WWOX: variants seen among roughly 807,000 people sequenced by gnomAD.
The protein encoded by WWOX is WW domain containing oxidoreductase, also known as WW domain-containing oxidoreductase.
A neutral mutation model predicts 46.2 loss-of-function variants in WWOX; 69 were observed. The ratio of observed to expected loss-of-function variants is 1.49; its 90% CI spans 1.23 to 1.82. WWOX has a LOEUF of 1.82. WWOX is among the 40% of genes most tolerant of loss of function. The pLI, the probability that WWOX is intolerant of heterozygous loss-of-function variation, is 0.00. For missense variants in WWOX, 919 were observed against 542.6 expected, an observed-to-expected ratio of 1.69 and a Z score of -6.89; for synonymous variants, 359 against 202.6, an observed-to-expected ratio of 1.77 and a Z score of -6.56.
intron 8 of WWOX, among the ~76,000 whole-genome samples, chr16:78,957,019 T>C (rs534939596): frequency 6.6e-6 from 1 of 152,172 alleles, no homozygotes; most frequent in Non-Finnish European, 1.5e-5. Context: ...CCGTGTGTTA[T>C]TCACATGCTT....
intron 8 of WWOX, among the ~76,000 whole-genome samples, chr16:78,556,169 T>C (rs1335193931): frequency 3.3e-5 from 5 of 151,968 alleles, no homozygotes; most frequent in Non-Finnish European, 7.4e-5. Context: ...TAGGCCCTCC[T>C]TATAATTTTC....
intron 8 of WWOX, among the ~76,000 whole-genome samples, chr16:78,791,629 G>C (rs2050602829): frequency 6.6e-6 from 1 of 152,076 alleles, no homozygotes; most frequent in African/African-American, 2.4e-5. Context: ...TGTAATCCCA[G>C]CACTTTGGGA....
intron 8 of WWOX, among the ~76,000 whole-genome samples, chr16:78,618,040 C>T (rs1363902318): frequency 6.6e-6 from 1 of 152,140 alleles, no homozygotes; most frequent in Non-Finnish European, 1.5e-5. Flanking sequence ...GTGTTCAGTG[C>T]TATTCATGTG....
intron 8 of WWOX, among the ~76,000 whole-genome samples, chr16:79,036,208 A>G (rs925283945): frequency 6.6e-6 from 1 of 152,186 alleles, no homozygotes. Flanking sequence ...CTCAAACAGT[A>G]TACCCACTAC....
In WWOX at chr16:78,336,343, A is replaced by C. The variant is rs1437641882; in HGVS notation, c.517-50517A>C. Among the ~76,000 whole-genome samples, 7 of 150,346 alleles carry C rather than the reference A, an allele frequency of 4.7e-5. No individual in the cohort carries two copies. The East Asian group carries it at 9.9e-4, about 21-fold the overall frequency. On this transcript the variant is annotated intron_variant, in intron 5 of 8. Transcript: ENST00000566780. Reference sequence around the variant, plus strand: ...CAAAAATAACACCAAAAAAAAAAAAAAAAACCACAACAAATTAGCCAGGTG... The same window carrying C: ...CAAAAATAACACCAAAAAAAAAAAACAAAACCACAACAAATTAGCCAGGTG...
At chr16:78,855,229 C>G (rs567195382) in intron 8 of WWOX, among the ~76,000 whole-genome samples, 1 of 152,058 alleles carries the variant, frequency 6.6e-6, no homozygotes, top group Non-Finnish European at 1.5e-5. Flanking sequence ...AAAGTCTTCA[C>G]GTACTTAATG....
intron 6 of WWOX, among the ~76,000 whole-genome samples, chr16:78,407,881 C>T (rs555167007): frequency 1.3e-5 from 2 of 152,268 alleles, no homozygotes; most frequent in East Asian, 3.9e-4. Context: ...TTACTGTCTA[C>T]TGTAGAGATA....
At chr16:78,811,549 C>G (rs768749141) in intron 8 of WWOX, among the ~76,000 whole-genome samples, 1 of 149,574 alleles carries the variant, frequency 6.7e-6, no homozygotes, top group East Asian at 2.0e-4. Flanking sequence ...TTTTGTATTT[C>G]TAGGAGAAAC....
At chr16:78,680,452 T>A (rs1168895921) in intron 8 of WWOX, among the ~76,000 whole-genome samples, 2 of 152,096 alleles carry the variant, frequency 1.3e-5, no homozygotes. Context: ...GAGGATCGCT[T>A]GAGCCCCGGG....
intron 8 of WWOX, among the ~76,000 whole-genome samples, chr16:78,511,390 G>A (rs1309320083): frequency 1.3e-5 from 2 of 152,250 alleles, no homozygotes; most frequent in South Asian, 4.2e-4. Context: ...CACCAGAAAC[G>A]TCCAGCTGAA....
rs34068363 is a variant in WWOX, at chr16:78,557,689, A to ATTTTTTTTTTTTTTTT, written c.1056+124945_1056+124960dup. 2.3e-3 allele frequency among the ~76,000 whole-genome samples: 219 copies of ATTTTTTTTTTTTTTTT among 96,606 alleles called. 29 individuals are homozygous for ATTTTTTTTTTTTTTTT. The highest frequency in any genetic ancestry group is 8.1e-3 in the Middle Eastern group (1 of 124). 63.4% of individuals were successfully genotyped at this position (96,606 alleles called of 152,430 possible). On this transcript the variant is annotated intron_variant, in intron 8 of 8. Coordinates refer to ENST00000566780, the MANE Select transcript of WWOX (RefSeq NM_016373.4). The stretch of plus-strand genomic sequence containing the variant: ...CATAAGTGCATTCCTCTAGGGAAGG[A>ATTTTTTTTTTTTTTTT]TTTTTTTTTTTTTTTTTTTTTTTGA...
chr16:79,126,675 A>T (rs908210024), intron 8 of WWOX, among the ~76,000 whole-genome samples: 3 of 152,192 alleles, frequency 2.0e-5, no homozygotes, highest in Non-Finnish European at 4.4e-5. Flanking sequence ...AGAACAGACT[A>T]ATACAGCAAG....
chr16:79,063,835 C>T (rs1375092764), intron 8 of WWOX, among the ~76,000 whole-genome samples: 1 of 152,172 alleles, frequency 6.6e-6, no homozygotes, highest in Non-Finnish European at 1.5e-5. Context: ...CCTAAACAAC[C>T]AGATGATGAT....
chr16:78,614,135 A>C (rs1396760011), intron 8 of WWOX, among the ~76,000 whole-genome samples: 1 of 152,240 alleles, frequency 6.6e-6, no homozygotes, highest in Non-Finnish European at 1.5e-5. Context: ...CTCACATCAG[A>C]ATGAATGAAT....
chr16:78,492,599 C>G (rs2084810696), intron 8 of WWOX, among the ~76,000 whole-genome samples: 1 of 152,200 alleles, frequency 6.6e-6, no homozygotes, highest in South Asian at 2.1e-4. Context: ...TTCATGGAAT[C>G]ACTGTTTCTC....
At chr16:78,653,084 C>G (rs2047001957) in intron 8 of WWOX, among the ~76,000 whole-genome samples, 1 of 151,800 alleles carries the variant, frequency 6.6e-6, no homozygotes. Context: ...GTTGCATGTT[C>G]TTTTCTTTCT....
rs145256086 is a variant in WWOX at position 78,755,726 on chromosome 16, G to A, written c.1056+322974G>A. Among the ~76,000 whole-genome samples the A allele has an allele frequency of 5.5e-4, 84 of 152,184 alleles. No individual in the cohort carries two copies. The East Asian group carries it at 0.012, about 21-fold the overall frequency. ...TACCCATTTTGATAGTTCAGTACCC[G>A]CTATTAAATATGCCGAATATTATTC... On this transcript the variant is annotated intron_variant, in intron 8 of 8. Coordinates refer to ENST00000566780, the MANE Select transcript of WWOX (RefSeq NM_016373.4).
chr16:78,471,847 AC>A (rs1339016919), intron 8 of WWOX, among the ~76,000 whole-genome samples: 1 of 152,228 alleles, frequency 6.6e-6, no homozygotes, highest in African/African-American at 2.4e-5. Context: ...CATTAAATAA[AC>A]TTTTACATTT....
intron 5 of WWOX, among the ~76,000 whole-genome samples, chr16:78,198,301 A>T (rs756307990): frequency 1.3e-5 from 2 of 152,196 alleles, no homozygotes; most frequent in Non-Finnish European, 2.9e-5. Flanking sequence ...AATTAGAATG[A>T]AACCAACAAA....
Sources: allele counts gnomAD v4.1 joint callset (sites outside exome capture counted in the v4.1 genomes callset), GRCh38; gene constraint gnomAD v4.1.1; transcripts MANE v1.5; gene names NCBI Gene and HGNC (gene_info 2026-07-23, HGNC 2026-07-21).